Variants in HTR1F observed in about 807,000 individuals in gnomAD.
The protein encoded by HTR1F is 5-hydroxytryptamine receptor 1F, also known as 5-hydroxytryptamine (serotonin) receptor 1F, G protein-coupled.
Under a neutral mutation model 24.0 loss-of-function variants are expected in HTR1F, and 17 were observed. The observed-to-expected ratio is 0.71, with a 90% CI of 0.48 to 1.06. The LOEUF is 1.06. HTR1F is among the 50% of genes least tolerant of loss of function. The probability of loss-of-function intolerance (pLI) is 0.00; values close to 1 mark genes in which losing one functional copy is unlikely to be tolerated. For synonymous variants in HTR1F, 186 were observed against 156.8 expected, an observed-to-expected ratio of 1.19 and a Z score of -1.39; for missense variants, 391 against 427.8, an observed-to-expected ratio of 0.91 and a Z score of 0.76.
At chr3:87,867,170 T>C (rs1185935228) in intron 2 of HTR1F, among the ~76,000 whole-genome samples, 1 of 151,924 alleles carries the variant, frequency 6.6e-6, no homozygotes, top group Non-Finnish European at 1.5e-5. Context: ...TCAAACTCAT[T>C]CCTTCCTAGG....
chr3:87,825,329 A>G (rs959088167), intron 2 of HTR1F, among the ~76,000 whole-genome samples: 4 of 152,182 alleles, frequency 2.6e-5, no homozygotes, highest in African/African-American at 9.7e-5. Flanking sequence ...AGTTTGCCTG[A>G]GCCTGAAATA....
At chr3:87,932,066 G>A (rs1419942135) in intron 2 of HTR1F, among the ~76,000 whole-genome samples, 10 of 152,206 alleles carry the variant, frequency 6.6e-5, no homozygotes, top group African/African-American at 1.4e-4. Flanking sequence ...CCATTTGTCA[G>A]TTTTGGCTTT....
chr3:87,903,250 GC>G (rs1706373739), intron 2 of HTR1F, among the ~76,000 whole-genome samples: 1 of 149,222 alleles, frequency 6.7e-6, no homozygotes, highest in African/African-American at 2.5e-5. Flanking sequence ...AAAAGCAATG[GC>G]AACAAAAGCC....
chr3:87,943,658 G>A (rs1308425041), intron 2 of HTR1F, among the ~76,000 whole-genome samples: 1 of 152,106 alleles, frequency 6.6e-6, no homozygotes, highest in African/African-American at 2.4e-5. Flanking sequence ...TTACATAATT[G>A]CGAGTTGTCT....
intron 2 of HTR1F, among the ~76,000 whole-genome samples, chr3:87,840,941 C>T (rs926520750): frequency 1.1e-4 from 17 of 151,634 alleles, no homozygotes; most frequent in Admixed American, 2.6e-4. Context: ...AGAGTGTGGA[C>T]GGGAAAAGGG....
intron 2 of HTR1F, among the ~76,000 whole-genome samples, chr3:87,914,726 C>A (rs1201608074): frequency 3.9e-5 from 6 of 151,998 alleles, no homozygotes; most frequent in African/African-American, 1.4e-4. Context: ...ACATGCCTAG[C>A]CCTGCCCCCA....
At chr3:87,923,430 T>C (rs1206679412) in intron 2 of HTR1F, among the ~76,000 whole-genome samples, 1 of 152,018 alleles carries the variant, frequency 6.6e-6, no homozygotes, top group Non-Finnish European at 1.5e-5. Flanking sequence ...TCATCAGTGT[T>C]TCATAGTTTT....
intron 2 of HTR1F, among the ~76,000 whole-genome samples, chr3:87,837,355 A>G (rs1283639238): frequency 6.6e-6 from 1 of 152,130 alleles, no homozygotes; most frequent in Non-Finnish European, 1.5e-5. Context: ...CAACTCCAGG[A>G]TTATATCTTA....
At chr3:87,978,890 G>GAGGGAGGGAGGAAGGA (rs1250443484) in intron 2 of HTR1F, among the ~76,000 whole-genome samples, 12 of 46,172 alleles carry the variant, frequency 2.6e-4, no homozygotes, top group African/African-American at 9.0e-4. Context: ...GGGAGGGAGG[G>GAGGGAGGGAGGAAGGA]AGGAAGGAAG....
chr3:87,974,306 C>T (rs535511214), intron 2 of HTR1F, among the ~76,000 whole-genome samples: 1 of 152,260 alleles, frequency 6.6e-6, no homozygotes. Flanking sequence ...TTAAAATCCG[C>T]CAAGATTTTT....
At chr3:87,881,130 C>G (rs1705786301) in intron 2 of HTR1F, among the ~76,000 whole-genome samples, 1 of 152,188 alleles carries the variant, frequency 6.6e-6, no homozygotes, top group African/African-American at 2.4e-5. Flanking sequence ...CGGGGCATTG[C>G]CTCACCTGGG....
chr3:87,863,021 C>T (rs1478714588), intron 2 of HTR1F, among the ~76,000 whole-genome samples: 4 of 152,032 alleles, frequency 2.6e-5, no homozygotes, highest in Non-Finnish European at 5.9e-5. Flanking sequence ...TTCACCATTT[C>T]GGCCAGGCTG....
At chr3:87,944,743 A>C (rs1704654067) in intron 2 of HTR1F, among the ~76,000 whole-genome samples, 1 of 152,234 alleles carries the variant, frequency 6.6e-6, no homozygotes, top group African/African-American at 2.4e-5. Flanking sequence ...GCTCACAATG[A>C]GGTTTCCTCT....
chr3:87,927,232 G>T (rs1704147429), intron 2 of HTR1F, among the ~76,000 whole-genome samples: 1 of 152,112 alleles, frequency 6.6e-6, no homozygotes, highest in South Asian at 2.1e-4. Context: ...TAGCTGATGG[G>T]TTAAAAGACA....
At chr3:87,920,023 G>T (rs1331342005) in intron 2 of HTR1F, among the ~76,000 whole-genome samples, 1 of 100,990 alleles carries the variant, frequency 9.9e-6, no homozygotes, top group Non-Finnish European at 2.0e-5. Context: ...AGATATATAT[G>T]TAATATTATA....
intron 2 of HTR1F, among the ~76,000 whole-genome samples, chr3:87,887,640 C>G (rs1335869049): frequency 1.3e-5 from 2 of 151,956 alleles, no homozygotes; most frequent in East Asian, 3.9e-4. Flanking sequence ...AAGAAAACAA[C>G]CCAATCAAAA....
At chr3:87,902,672 T>C (rs7649800) in intron 2 of HTR1F, among the ~76,000 whole-genome samples, 26,664 of 150,888 alleles carry the variant, frequency 0.18, 2,519 homozygotes, top group African/African-American at 0.26. Flanking sequence ...TATGTATACA[T>C]GTGCCATGCT....
At chr3:87,879,255 A>G (rs1174220502) in intron 2 of HTR1F, among the ~76,000 whole-genome samples, 1 of 152,218 alleles carries the variant, frequency 6.6e-6, no homozygotes, top group Non-Finnish European at 1.5e-5. Flanking sequence ...TGCAATAAAA[A>G]TTTAAAATTC....
At chr3:87,965,022 TTCTGC>T (rs1319492894) in intron 2 of HTR1F, among the ~76,000 whole-genome samples, 5 of 152,220 alleles carry the variant, frequency 3.3e-5, no homozygotes, top group Non-Finnish European at 7.3e-5. Context: ...CTCCTTTGCC[TTCTGC>T]CATGATTGTG....
Sources: allele counts gnomAD v4.1 joint callset (sites outside exome capture counted in the v4.1 genomes callset), GRCh38; gene constraint gnomAD v4.1.1; transcripts MANE v1.5; gene names NCBI Gene and HGNC (gene_info 2026-07-23, HGNC 2026-07-21).